SLC28A1: variants seen among roughly 807,000 people sequenced by gnomAD.
SLC28A1 encodes sodium/nucleoside cotransporter 1.
SLC28A1 carries 64 observed loss-of-function variants against 74.8 expected under a neutral mutation model. The observed-to-expected ratio is 0.86, with a 90% CI of 0.70 to 1.05. SLC28A1 has a LOEUF of 1.05. SLC28A1 is among the 50% of genes least tolerant of loss of function. SLC28A1 has a pLI of 0.00. For synonymous variants in SLC28A1, 359 were observed against 335.0 expected (o/e 1.07, Z -0.78); for missense variants, 828 against 822.8 (o/e 1.01, Z -0.08).
At position 84,908,754 on chromosome 15, in the gene SLC28A1, G is replaced by T; in HGVS notation, c.754G>T (p.Val252Leu). 6.2e-7 allele frequency: 1 copy of T among 1,614,000 alleles called. No individual in the cohort carries two copies. ...CTACACGAAGGCTGGCTCCAGCTTC[G>T]TGTTTGGGGAGGCGCTGGTCAAGGA... ...LSYTKAGSSF[V>L]FGEALVKDVF... Residue 252 changes from valine to leucine, a missense_variant, in exon 9 of 19, where the codon GTG becomes TTG. Val to Leu is a conservative substitution (Grantham distance 32). Transcript: ENST00000394573.
chr15:84,968,064 G>T, the SLC28A1 span, among the ~76,000 whole-genome samples: 1 of 152,120 alleles, frequency 6.6e-6, no homozygotes, highest in Non-Finnish European at 1.5e-5. Flanking sequence ...CCAGGACAAG[G>T]GGCATAGTTT....
At chr15:84,906,168 C>CTGGT (rs1967077890) in intron 8 of SLC28A1, among the ~76,000 whole-genome samples, 1 of 151,896 alleles carries the variant, frequency 6.6e-6, no homozygotes, top group African/African-American at 2.4e-5. Context: ...TACAGGCTCC[C>CTGGT]ACCACCATGC....
At chr15:84,889,709 TTTCCTTCCTTCCTTCCTTCC>T (rs1327916243) in intron 4 of SLC28A1, among the ~76,000 whole-genome samples, 14 of 27,104 alleles carry the variant, frequency 5.2e-4, no homozygotes, top group South Asian at 2.2e-3. Context: ...TCCTTCCTTC[TTTCCTTCCTTCCTTCCTTCC>T]TTCCTTCCTT....
At chr15:84,889,271 G>A (rs948283637) in intron 4 of SLC28A1, among the ~76,000 whole-genome samples, 2 of 152,218 alleles carry the variant, frequency 1.3e-5, no homozygotes, top group Non-Finnish European at 2.9e-5. Context: ...CCAGAGAGGG[G>A]AAGGGACCAG....
chr15:84,928,533 T>G, intron 12 of SLC28A1, among the ~76,000 whole-genome samples: 1 of 7,128 alleles, frequency 1.4e-4, no homozygotes, highest in African/African-American at 8.6e-4. Context: ...GTTCGTTCTT[T>G]CTTTCTTTCT....
the SLC28A1 span, among the ~76,000 whole-genome samples, chr15:84,974,486 T>A: frequency 6.6e-6 from 1 of 152,186 alleles, no homozygotes; most frequent in East Asian, 1.9e-4. Flanking sequence ...GTAACGATGC[T>A]AATGCCAACC....
At chr15:84,898,900 C>T (rs1966303822) in intron 6 of SLC28A1, among the ~76,000 whole-genome samples, 1 of 152,178 alleles carries the variant, frequency 6.6e-6, no homozygotes, top group Non-Finnish European at 1.5e-5. Context: ...GAAGCCATGG[C>T]AGGCAGGGTT....
downstream of SLC28A1, chr15:84,945,916 G>A (rs2079186702): frequency 6.6e-6 from 1 of 152,038 alleles, no homozygotes; most frequent in Non-Finnish European, 1.5e-5. Context: ...CTAGAGTACA[G>A]TGAGGTGATC....
At chr15:84,971,488 C>T in the SLC28A1 span, among the ~76,000 whole-genome samples, 10 of 152,102 alleles carry the variant, frequency 6.6e-5, no homozygotes, top group African/African-American at 2.4e-4. Context: ...CTCTTTTACT[C>T]CCTCTCTCAC....
At chr15:84,933,743 G>A (rs1011121661) in intron 13 of SLC28A1, among the ~76,000 whole-genome samples, 1 of 152,182 alleles carries the variant, frequency 6.6e-6, no homozygotes. Context: ...GGGAGGCTGA[G>A]GCAGGCAAAT....
chr15:84,955,946 T>G, the SLC28A1 span, among the ~76,000 whole-genome samples: 2 of 152,174 alleles, frequency 1.3e-5, no homozygotes, highest in African/African-American at 4.8e-5. Context: ...TCCTTCCCTC[T>G]CCACATTTCC....
chr15:84,909,323 C>G (rs770776559), intron 9 of SLC28A1, among the ~76,000 whole-genome samples: 1 of 152,210 alleles, frequency 6.6e-6, no homozygotes, highest in Non-Finnish European at 1.5e-5. Context: ...ACCTACGATC[C>G]CACTTTCCCT....
At chr15:84,970,656 G>C in the SLC28A1 span, among the ~76,000 whole-genome samples, 7 of 152,042 alleles carry the variant, frequency 4.6e-5, no homozygotes, top group African/African-American at 1.4e-4. Flanking sequence ...AGAGCAACTC[G>C]AGCATGGAAC....
chr15:84,931,805 T>C (rs1352863444), intron 12 of SLC28A1, among the ~76,000 whole-genome samples: 1 of 151,350 alleles, frequency 6.6e-6, no homozygotes, highest in Non-Finnish European at 1.5e-5. Context: ...AGTTCGAGAC[T>C]AGCCTGGCCA....
chr15:84,948,972 G>A (rs1162963162), downstream of SLC28A1, among the ~76,000 whole-genome samples: 1 of 152,116 alleles, frequency 6.6e-6, no homozygotes, highest in Non-Finnish European at 1.5e-5. Flanking sequence ...GTATATCTTT[G>A]TTGTCCTTTT....
At chr15:84,923,737 G>T (rs1970141965) in intron 11 of SLC28A1, among the ~76,000 whole-genome samples, 1 of 152,140 alleles carries the variant, frequency 6.6e-6, no homozygotes, top group Admixed American at 6.5e-5. Flanking sequence ...GCTTAGCGGG[G>T]TGCCTGGCAC....
chr15:84,951,434 AT>A, the SLC28A1 span, among the ~76,000 whole-genome samples: 3 of 63,596 alleles, frequency 4.7e-5, no homozygotes, highest in Non-Finnish European at 6.6e-5. Flanking sequence ...TTAAAAAAAA[AT>A]AATTAAAAAA....
At chr15:84,889,786 CTTCT>C (rs1315196889) in intron 4 of SLC28A1, among the ~76,000 whole-genome samples, 4 of 140,578 alleles carry the variant, frequency 2.8e-5, no homozygotes, top group African/African-American at 8.0e-5. Context: ...CTCTTCCTTC[CTTCT>C]TTCTTTTCTT....
intron 8 of SLC28A1, among the ~76,000 whole-genome samples, chr15:84,907,566 C>T (rs767574966): frequency 4.1e-4 from 62 of 152,158 alleles, no homozygotes; most frequent in African/African-American, 1.1e-3. Flanking sequence ...AGTGCAGTGG[C>T]GTGATCTTAG....
Sources: allele counts gnomAD v4.1 joint callset (sites outside exome capture counted in the v4.1 genomes callset), GRCh38; gene constraint gnomAD v4.1.1; transcripts MANE v1.5; gene names NCBI Gene and HGNC (gene_info 2026-07-23, HGNC 2026-07-21).